Variants in LINGO2 observed in about 807,000 individuals in gnomAD.
The protein encoded by LINGO2 is leucine-rich repeat and immunoglobulin-like domain-containing nogo receptor-interacting protein 2.
In LINGO2, 14 loss-of-function variants were observed where a neutral mutation model predicts 30.6. That is an observed-to-expected ratio of 0.46 (90% CI 0.30 to 0.72). The LOEUF is 0.72. LINGO2 is among the 30% of genes least tolerant of loss of function. LINGO2 has a pLI of 0.07. For synonymous variants in LINGO2, 317 were observed against 288.5 expected (o/e 1.10, Z -1.00); for missense variants, 729 against 751.7 (o/e 0.97, Z 0.35).
chr9:28,822,382 G>A, the LINGO2 span, among the ~76,000 whole-genome samples: 5 of 152,136 alleles, frequency 3.3e-5, no homozygotes, highest in Non-Finnish European at 7.3e-5. Flanking sequence ...ATAACTTTAA[G>A]TAACCAGAAA....
chr9:29,144,059 G>GT, the LINGO2 span, among the ~76,000 whole-genome samples: 1 of 151,874 alleles, frequency 6.6e-6, no homozygotes, highest in South Asian at 2.1e-4. Flanking sequence ...GGTCAGATTC[G>GT]TTTAATAGCA....
In LINGO2 at chr9:28,383,256, G is replaced by GTGTGTA. The variant is rs1426182297; in HGVS notation, c.-278-10389_-278-10388insTACACA. Reference sequence around the variant, plus strand: ...GAAACACTATAGATCACCATTCATTGTGTGTGTGTGTGTGTGTGTGTGTGT... The same window carrying GTGTGTA: ...GAAACACTATAGATCACCATTCATTGTGTGTATGTGTGTGTGTGTGTGTGTGTGTGT... On this transcript the variant is annotated intron_variant, in intron 2 of 5. Transcript: ENST00000379992. Among the ~76,000 whole-genome samples, 17 of 20,970 alleles carry GTGTGTA rather than the reference G, an allele frequency of 8.1e-4. No homozygotes were observed. The South Asian group carries it at 0.023, about 28-fold the overall frequency. The allele number at this position is 20,970 out of a possible 152,430, so 13.8% of individuals were successfully genotyped here.
chr9:28,308,195 A>G (rs1185322673), intron 3 of LINGO2, among the ~76,000 whole-genome samples: 1 of 128,940 alleles, frequency 7.8e-6, no homozygotes, highest in Non-Finnish European at 1.8e-5. Flanking sequence ...ACAAGGCTAC[A>G]GTAACCAAAA....
chr9:28,836,065 T>G, the LINGO2 span, among the ~76,000 whole-genome samples: 1 of 152,208 alleles, frequency 6.6e-6, no homozygotes, highest in Non-Finnish European at 1.5e-5. Flanking sequence ...ATAAAGAAGA[T>G]GTCTTCTTTG....
chr9:28,903,447 C>A, the LINGO2 span, among the ~76,000 whole-genome samples: 1 of 152,104 alleles, frequency 6.6e-6, no homozygotes, highest in Non-Finnish European at 1.5e-5. Flanking sequence ...ATCTAACATT[C>A]ATTCATTATT....
intron 5 of LINGO2, among the ~76,000 whole-genome samples, chr9:27,994,087 A>G (rs1009393656): frequency 1.3e-5 from 2 of 152,142 alleles, no homozygotes; most frequent in Admixed American, 1.3e-4. Flanking sequence ...AGGAAACTTA[A>G]AAATTTCTTG....
chr9:28,076,270 T>C (rs1825620078), intron 4 of LINGO2, among the ~76,000 whole-genome samples: 1 of 152,150 alleles, frequency 6.6e-6, no homozygotes, highest in Non-Finnish European at 1.5e-5. Flanking sequence ...CTCATTTCTT[T>C]TTATACCTAC....
rs10968229 is a variant in LINGO2 at position 27,963,340 on chromosome 9, C to A, written c.-35-12634G>T. On this transcript the variant is annotated intron_variant, in intron 5 of 5. Transcript: ENST00000379992. ...ATATATTTCCTCTGCAATAGGACTA[C>A]ACTTCAGAAAGATGTCCTCAAACAG... Among the ~76,000 whole-genome samples the A allele has an allele frequency of 9.3e-3, 1,420 of 152,142 alleles. 115 individuals are homozygous for A. In the East Asian group the frequency reaches 0.19, roughly 20 times the overall value.
intron 5 of LINGO2, among the ~76,000 whole-genome samples, chr9:27,981,560 G>A (rs56988259): frequency 0.13 from 9,988 of 77,670 alleles, 44 homozygotes; most frequent in East Asian, 0.15. Context: ...AGAAAAAAAA[G>A]AAAAAAAAAG....
the LINGO2 span, among the ~76,000 whole-genome samples, chr9:29,146,401 G>A: frequency 6.6e-6 from 1 of 151,942 alleles, no homozygotes; most frequent in Admixed American, 6.6e-5. Flanking sequence ...AGACTTCTGT[G>A]GGCCTTAATA....
At chr9:28,468,412 G>A (rs1339119872) in intron 2 of LINGO2, among the ~76,000 whole-genome samples, 1 of 152,142 alleles carries the variant, frequency 6.6e-6, no homozygotes, top group Non-Finnish European at 1.5e-5. Context: ...TGGGATCTTA[G>A]GCTAGAAACC....
intron 1 of LINGO2, among the ~76,000 whole-genome samples, chr9:28,504,238 A>T (rs4339721): frequency 9.9e-5 from 15 of 151,796 alleles, no homozygotes; most frequent in Non-Finnish European, 1.8e-4. Flanking sequence ...ATATTTTCCC[A>T]CATACTTATA....
chr9:29,018,088 ATT>A, the LINGO2 span, among the ~76,000 whole-genome samples: 10,864 of 77,734 alleles, frequency 0.14, 425 homozygotes, highest in Non-Finnish European at 0.18. Context: ...ATAAATATAC[ATT>A]TTATATATAT....
intron 2 of LINGO2, among the ~76,000 whole-genome samples, chr9:28,449,754 GT>G (rs1247799602): frequency 2.6e-5 from 4 of 151,916 alleles, no homozygotes; most frequent in Non-Finnish European, 5.9e-5. Context: ...TCAATTACTA[GT>G]CCCCACCTAT....
chr9:28,878,190 T>C, the LINGO2 span, among the ~76,000 whole-genome samples: 1 of 152,018 alleles, frequency 6.6e-6, no homozygotes, highest in Admixed American at 6.6e-5. Context: ...CAATCTACCA[T>C]CAGAGAATAC....
intron 4 of LINGO2, among the ~76,000 whole-genome samples, chr9:28,225,468 T>TA (rs1427397036): frequency 2.6e-5 from 4 of 152,138 alleles, no homozygotes; most frequent in South Asian, 2.1e-4. Flanking sequence ...ATGAGAATTG[T>TA]AAAAAAATTC....
chr9:28,974,929 G>A, the LINGO2 span, among the ~76,000 whole-genome samples: 1 of 152,088 alleles, frequency 6.6e-6, no homozygotes, highest in African/African-American at 2.4e-5. Context: ...GGACAAGTCA[G>A]AATTTCTTGG....
chr9:29,044,871 C>T, the LINGO2 span, among the ~76,000 whole-genome samples: 13 of 152,006 alleles, frequency 8.6e-5, no homozygotes, highest in Non-Finnish European at 1.0e-4. Context: ...ATAAGTTAGG[C>T]ACAGTAAGAG....
chr9:28,251,474 GTCC>G (rs1382888762), intron 4 of LINGO2, among the ~76,000 whole-genome samples: 2 of 152,146 alleles, frequency 1.3e-5, no homozygotes, highest in African/African-American at 4.8e-5. Flanking sequence ...CAAATTTCAA[GTCC>G]TCTTATTTGA....
Sources: allele counts gnomAD v4.1 joint callset (sites outside exome capture counted in the v4.1 genomes callset), GRCh38; gene constraint gnomAD v4.1.1; transcripts MANE v1.5; gene names NCBI Gene and HGNC (gene_info 2026-07-23, HGNC 2026-07-21).